MAPK6: variants seen among roughly 807,000 people sequenced by gnomAD.
MAPK6 encodes the protein ERK-3.
MAPK6 carries 19 observed loss-of-function variants against 59.3 expected under a neutral mutation model. That is an observed-to-expected ratio of 0.32 (90% confidence interval 0.22 to 0.47). The LOEUF is 0.47. MAPK6 is among the 20% of genes least tolerant of loss of function. The pLI is 1.00. For missense variants in MAPK6, 724 were observed against 847.9 expected (o/e 0.85, Z 1.81); for synonymous variants, 316 against 290.3 (o/e 1.09, Z -0.90).
intron 1 of MAPK6, among the ~76,000 whole-genome samples, chr15:51,975,986 G>T (rs1473902730): frequency 2.0e-5 from 3 of 151,790 alleles, no homozygotes; most frequent in Non-Finnish European, 2.9e-5. Context: ...AGTTTGGGGG[G>T]CTGGACACGG....
At chr15:52,048,296 C>A (rs2031660290) in intron 2 of MAPK6, among the ~76,000 whole-genome samples, 1 of 151,966 alleles carries the variant, frequency 6.6e-6, no homozygotes, top group African/African-American at 2.4e-5. Context: ...ATTACAGGCG[C>A]CCGCCACCAC....
intron 2 of MAPK6, among the ~76,000 whole-genome samples, chr15:52,049,119 T>C (rs974467103): frequency 5.3e-5 from 8 of 152,128 alleles, no homozygotes; most frequent in African/African-American, 1.7e-4. Flanking sequence ...AGGCAATATA[T>C]GTGTAAGGTT....
At chr15:52,015,044 A>G (rs565132447), upstream of MAPK6, among the ~76,000 whole-genome samples, 23 of 152,090 alleles carry the variant, frequency 1.5e-4, no homozygotes, top group East Asian at 4.2e-3. Context: ...CTTGTTGCCC[A>G]GGCTGGAGTG....
upstream of MAPK6, among the ~76,000 whole-genome samples, chr15:52,016,961 T>TTGAGCAGAGGTTGCAG (rs567308120): frequency 6.6e-6 from 1 of 151,996 alleles, no homozygotes; most frequent in East Asian, 1.9e-4. Context: ...GGGGAATCGC[T>TTGAGCAGAGGTTGCAG]TGAGCAGAGG....
At chr15:52,002,600 C>T (rs2057245257) in intron 2 of MAPK6, among the ~76,000 whole-genome samples, 1 of 152,178 alleles carries the variant, frequency 6.6e-6, no homozygotes, top group East Asian at 1.9e-4. Context: ...GGCTGATAGC[C>T]TCAGTTAACC....
chr15:52,044,025 C>T (rs1309906053), intron 1 of MAPK6, among the ~76,000 whole-genome samples: 2 of 151,052 alleles, frequency 1.3e-5, no homozygotes, highest in Non-Finnish European at 3.0e-5. Flanking sequence ...CTGCCTGCCT[C>T]GGCTTCCCAA....
chr15:52,043,258 C>G (rs1028136161), intron 1 of MAPK6, among the ~76,000 whole-genome samples: 1 of 152,100 alleles, frequency 6.6e-6, no homozygotes, highest in Non-Finnish European at 1.5e-5. Context: ...TTTTAAAAAT[C>G]TGAAACTTTT....
chr15:51,997,256 A>G (rs1162464202), intron 2 of MAPK6, among the ~76,000 whole-genome samples: 1 of 151,182 alleles, frequency 6.6e-6, no homozygotes, highest in East Asian at 1.9e-4. Context: ...CTGGGATTAC[A>G]GTGAGCCACT....
At chr15:52,014,372 A>G (rs2141835460), upstream of MAPK6, among the ~76,000 whole-genome samples, 3 of 152,276 alleles carry the variant, frequency 2.0e-5, no homozygotes, top group East Asian at 3.9e-4. Context: ...CATATAAACT[A>G]TATATGTCAT....
At chr15:52,053,976 CTTTTGTCTCTTTTGT>C (rs1234705419) in intron 3 of MAPK6, among the ~76,000 whole-genome samples, 1 of 151,758 alleles carries the variant, frequency 6.6e-6, no homozygotes, top group Admixed American at 6.6e-5. Flanking sequence ...TTACCTTTTT[CTTTTGTCTCTTTTGT>C]TTTTGGTGTC....
upstream of MAPK6, among the ~76,000 whole-genome samples, chr15:52,016,208 G>A (rs1175574950): frequency 6.6e-6 from 1 of 150,860 alleles, no homozygotes; most frequent in Non-Finnish European, 1.5e-5. Flanking sequence ...TGCCCAACAT[G>A]GTGAAACCCC....
chr15:52,062,135 A>G (rs1044268269), intron 5 of MAPK6, among the ~76,000 whole-genome samples: 6 of 148,940 alleles, frequency 4.0e-5, no homozygotes, highest in Non-Finnish European at 7.4e-5. Context: ...GCTGGAGTGC[A>G]GTGATGCAAG....
chr15:51,989,596 T>C (rs929107501), intron 2 of MAPK6, among the ~76,000 whole-genome samples: 2 of 151,950 alleles, frequency 1.3e-5, no homozygotes, highest in Non-Finnish European at 2.9e-5. Context: ...GCTTAAAATA[T>C]TTATTATTTT....
intron 2 of MAPK6, among the ~76,000 whole-genome samples, chr15:51,996,895 A>G (rs1021651615): frequency 2.6e-5 from 4 of 151,858 alleles, no homozygotes; most frequent in Non-Finnish European, 4.4e-5. Flanking sequence ...TAGTCTCCCT[A>G]TGGTCTGGAA....
At chr15:52,056,797 ATTCT>A (rs1022778798) in intron 3 of MAPK6, 3 of 152,122 alleles carry the variant, frequency 2.0e-5, no homozygotes, top group African/African-American at 7.2e-5. Flanking sequence ...GGGTAGTCTC[ATTCT>A]TTTTCATTCC....
intron 1 of MAPK6, among the ~76,000 whole-genome samples, chr15:51,977,272 G>A (rs1341707116): frequency 1.3e-5 from 2 of 151,646 alleles, no homozygotes; most frequent in African/African-American, 4.8e-5. Flanking sequence ...CTAAGTGCTA[G>A]GATTACAGAC....
rs753293213 is a variant in MAPK6, at chr15:52,066,177, T to G, written c.*1177T>G. The G allele has an allele frequency of 6.6e-6, 1 of 152,556 alleles. No individual in the cohort carries two copies. The highest frequency in any genetic ancestry group is 2.4e-5 in the African/African-American group (1 of 41,448). The allele number at this position is 152,556 out of a possible 1,614,324, so 9.5% of individuals were successfully genotyped here. ...GCATCGCAGTCTCTTAGAATTTGTT[T>G]CATCTATTTTATTTTATTGAATACT... On this transcript the variant is annotated 3_prime_UTR_variant, in exon 6 of 6. Coordinates refer to ENST00000261845, the MANE Select transcript of MAPK6 (RefSeq NM_002748.4).
intron 1 of MAPK6, chr15:52,024,721 T>G (rs980356051): frequency 6.6e-6 from 1 of 152,092 alleles, no homozygotes; most frequent in African/African-American, 2.4e-5. Context: ...CCCGGCCTTC[T>G]TTTTTTGTAA....
intron 2 of MAPK6, among the ~76,000 whole-genome samples, chr15:52,003,126 G>A (rs144263319): frequency 0.018 from 2,688 of 152,132 alleles, 79 homozygotes; most frequent in African/African-American, 0.061. Flanking sequence ...GGCAGAGGTT[G>A]CAGTGAGCTG....
Sources: allele counts gnomAD v4.1 joint callset (sites outside exome capture counted in the v4.1 genomes callset), GRCh38; gene constraint gnomAD v4.1.1; transcripts MANE v1.5; gene names NCBI Gene and HGNC (gene_info 2026-07-23, HGNC 2026-07-21).